HSPH1: variants seen among roughly 807,000 people sequenced by gnomAD.
The protein encoded by HSPH1 is heat shock protein 105 kDa.
A neutral mutation model predicts 100.0 loss-of-function variants in HSPH1; 40 were observed. The ratio of observed to expected loss-of-function variants is 0.40; its 90% CI spans 0.31 to 0.52. HSPH1 has a LOEUF of 0.52. Ranked by LOEUF, HSPH1 falls within the 20% of genes least tolerant of loss-of-function variation. The probability of loss-of-function intolerance (pLI) is 0.54; values close to 1 mark genes in which losing one functional copy is unlikely to be tolerated. For missense variants in HSPH1, 876 were observed against 1,015.1 expected (o/e 0.86, Z 1.86); for synonymous variants, 403 against 344.0 (o/e 1.17, Z -1.90).
At chr13:31,149,609 TTATTA>T (rs1956406094) in intron 8 of HSPH1, among the ~76,000 whole-genome samples, 1 of 152,180 alleles carries the variant, frequency 6.6e-6, no homozygotes, top group African/African-American at 2.4e-5. Context: ...AATCAATTCC[TTATTA>T]TATCAGATTA....
Position 31,137,162 on chromosome 13 carries a change from T to G in HSPH1, c.*156A>C. The G allele has an allele frequency of 1.4e-6, 1 of 734,030 alleles. No individual in the cohort carries two copies. Among genetic ancestry groups the G allele is most frequent in the Non-Finnish European group, 2.5e-6 (1 of 405,922 alleles). The allele number at this position is 734,030 out of a possible 1,614,324, so 45.5% of individuals were successfully genotyped here. Reference sequence around the variant, plus strand: ...TTTTCCCTTTTAGGATCATAAAGACTACAGACTTAAGCTTTTTTTCTTTTT... The same window carrying G: ...TTTTCCCTTTTAGGATCATAAAGACGACAGACTTAAGCTTTTTTTCTTTTT... On this transcript the variant is annotated 3_prime_UTR_variant, in exon 18 of 18. Transcript: ENST00000320027.
Position 31,137,128 on chromosome 13 carries a change from C to T in HSPH1, c.*190G>A. ...CAATTCCACAGGAATCTGAAAGTTA[C>T]CAAGGCAATTTTCCCTTTTAGGATC... On this transcript the variant is annotated 3_prime_UTR_variant, in exon 18 of 18. Coordinates refer to ENST00000320027, the MANE Select transcript of HSPH1 (RefSeq NM_006644.4). The T allele has an allele frequency of 1.4e-6, 1 of 737,858 alleles. No homozygotes were observed. Among genetic ancestry groups the T allele is most frequent in the African/African-American group, 1.7e-5 (1 of 58,062 alleles). 45.7% of individuals were successfully genotyped at this position (737,858 alleles called of 1,614,324 possible).
At chr13:31,154,436 G>T (rs1956603899) in intron 4 of HSPH1, 197 bp downstream of exon 4, 4 of 633,810 alleles carry the variant, frequency 6.3e-6, no homozygotes, top group Non-Finnish European at 1.1e-5. Context: ...TTGATTTCCA[G>T]TCAAGAACCT....
chr13:31,143,971 G>T (rs748374758), intron 11 of HSPH1, 48 bp from the exon 12 acceptor site: 3 of 1,444,502 alleles, frequency 2.1e-6, no homozygotes, highest in South Asian at 1.5e-5. Flanking sequence ...AGGTGTACTT[G>T]TATAAATTTT....
chr13:31,149,972 G>A lies in HSPH1; in HGVS notation c.1119C>T (p.Ala373=), dbSNP rs1306092385. The A allele has an allele frequency of 1.1e-5, 17 of 1,613,242 alleles. No individual in the cohort carries two copies. The highest frequency in any genetic ancestry group is 1.4e-5 in the Non-Finnish European group (17 of 1,179,464). Residue 373 remains alanine (A), a synonymous_variant, in exon 8 of 18, where the codon GCC becomes GCT. Transcript: ENST00000320027. ...AAAGTACCTGTAATGCACATCCTCT[G>A]GCTACTGCTTCATCTGCATTGAGTG... ...STTLNADEAV[A]RGCALQCAIL... is the part of the protein sequence containing the mutation.
chr13:31,135,403 T>G lies in HSPH1; in HGVS notation c.*1915A>C, dbSNP rs1955860654. On this transcript the variant is annotated 3_prime_UTR_variant, in exon 18 of 18. Coordinates refer to ENST00000320027, the MANE Select transcript of HSPH1 (RefSeq NM_006644.4). ...TATACATTAATGTGCATTAAAGACA[T>G]TCAGAAAACATAAAAACCAAAGAAA... The G allele has an allele frequency of 6.6e-6, 1 of 152,186 alleles. No homozygotes were observed. The highest frequency in any genetic ancestry group is 1.5e-5 in the Non-Finnish European group (1 of 68,040). 9.4% of individuals were successfully genotyped at this position (152,186 alleles called of 1,614,324 possible). A position where few individuals can be genotyped will look rare whatever the true frequency, so the allele number is the denominator to read the frequency against.
intron 7 of HSPH1, among the ~76,000 whole-genome samples, chr13:31,150,449 T>C (rs1405843305): frequency 1.3e-5 from 2 of 152,208 alleles, no homozygotes; most frequent in Admixed American, 6.6e-5. Context: ...TCTAAAATTT[T>C]TCCCCCTGAC....
chr13:31,148,131 C>G, intron 9 of HSPH1, 39 bp from the exon 10 acceptor site: 4 of 1,580,228 alleles, frequency 2.5e-6, no homozygotes, highest in Non-Finnish European at 3.4e-6. Flanking sequence ...AGATGAAGAA[C>G]TTAAAATATG....
At chr13:31,158,783 C>G in intron 2 of HSPH1, 23 bp downstream of exon 2, 1 of 1,541,998 alleles carries the variant, frequency 6.5e-7, no homozygotes, top group Non-Finnish European at 9.0e-7. Context: ...AAAAAGTGAT[C>G]CGAATTCTCT....
In HSPH1 at chr13:31,151,741, A is replaced by T; in HGVS notation, c.531T>A (p.Val177=). Residue 177 remains valine (V), a splice_region_variant and synonymous_variant, in exon 6 of 18, where the codon GTT becomes GTA. Transcript: ENST00000320027. ...GCTTATAAATTCCGTAATTCAAAGC[A>T]ACTACAAAAAATAAGTATGTTTCAA... ...CLRLMNDMTA[V]ALNYGIYKQD... 1 of 1,600,486 alleles carries T rather than the reference A, an allele frequency of 6.2e-7. No individual in the cohort carries two copies. Among genetic ancestry groups the T allele is most frequent in the East Asian group, 2.2e-5 (1 of 44,612 alleles).
In HSPH1 at chr13:31,145,144, C is replaced by A. The variant is rs151070680; in HGVS notation, c.1584+419G>T. The stretch of plus-strand genomic sequence containing the variant: ...AACCATGTAAAAATAAAAACAAGTT[C>A]TAAAATATCAAAGCCAATTTTGCCA... On this transcript the variant is annotated intron_variant, in intron 11 of 17. Transcript: ENST00000320027. 2.5e-3 allele frequency among the ~76,000 whole-genome samples: 387 copies of A among 152,252 alleles called. 2 individuals are homozygous for A. The highest frequency in any genetic ancestry group is 8.7e-3 in the African/African-American group (361 of 41,558).
At chr13:31,143,691 A>G (rs1002214293) in intron 12 of HSPH1, 101 bp downstream of exon 12, 1 of 1,056,618 alleles carries the variant, frequency 9.5e-7, no homozygotes, top group South Asian at 2.8e-5. Flanking sequence ...ACACAGAACG[A>G]AATCAATTGG....
intron 8 of HSPH1, among the ~76,000 whole-genome samples, chr13:31,149,416 AATT>A (rs1250252789): frequency 3.3e-5 from 5 of 152,092 alleles, no homozygotes; most frequent in Admixed American, 6.6e-5. Flanking sequence ...AATATAAACT[AATT>A]ATTTTCTTTT....
intron 11 of HSPH1, among the ~76,000 whole-genome samples, chr13:31,145,219 T>C (rs1456741836): frequency 6.6e-6 from 1 of 152,202 alleles, no homozygotes; most frequent in African/African-American, 2.4e-5. Flanking sequence ...ACAGTTTTTG[T>C]AGCAGTCTGT....
chr13:31,162,002 C>T (rs1956943601), upstream of HSPH1: 2 of 1,536,154 alleles, frequency 1.3e-6, no homozygotes, highest in Non-Finnish European at 1.7e-6. Flanking sequence ...ACCGGCCCCT[C>T]CACGTGCCAC....
intron 13 of HSPH1, 99 bp downstream of exon 13, chr13:31,141,023 T>G: frequency 1.4e-6 from 1 of 703,540 alleles, no homozygotes; most frequent in Non-Finnish European, 2.2e-6. Context: ...AAACTTGGGA[T>G]GAGAAAGAAT....
At chr13:31,159,130 C>G (rs546336435) in intron 1 of HSPH1, among the ~76,000 whole-genome samples, 9 of 152,040 alleles carry the variant, frequency 5.9e-5, no homozygotes, top group Non-Finnish European at 1.3e-4. Flanking sequence ...TATTATGAAC[C>G]GAACATTAAC....
intron 8 of HSPH1, 135 bp downstream of exon 8, chr13:31,149,819 A>G: frequency 1.5e-6 from 1 of 669,330 alleles, no homozygotes; most frequent in Non-Finnish European, 2.6e-6. Context: ...TTATCTCCCT[A>G]CAGCTTTACG....
chr13:31,162,030 C>T (rs985647143), upstream of HSPH1: 3 of 1,536,032 alleles, frequency 2.0e-6, no homozygotes, highest in African/African-American at 4.1e-5. Flanking sequence ...TCCTTCTTCT[C>T]GAGCCTTCTG....
Sources: allele counts gnomAD v4.1 joint callset (sites outside exome capture counted in the v4.1 genomes callset), GRCh38; gene constraint gnomAD v4.1.1; transcripts MANE v1.5; gene names NCBI Gene and HGNC (gene_info 2026-07-23, HGNC 2026-07-21).